Variants in BCL9L observed in about 807,000 individuals in gnomAD.
BCL9L encodes BCL9 like, also known as B-cell CLL/lymphoma 9-like protein.
In BCL9L, 19 loss-of-function variants were observed where a neutral mutation model predicts 99.4. The observed-to-expected ratio is 0.19, with a 90% CI of 0.13 to 0.28. BCL9L has a LOEUF of 0.28. BCL9L is among the 10% of genes least tolerant of loss of function. The pLI, the probability that BCL9L is intolerant of heterozygous loss-of-function variation, is 1.00. For synonymous variants in BCL9L, 900 were observed against 854.8 expected (o/e 1.05, Z -0.92); for missense variants, 2,023 against 2,101.6 (o/e 0.96, Z 0.73).
intron 2 of BCL9L, among the ~76,000 whole-genome samples, chr11:118,917,588 G>GA (rs1463876915): frequency 6.6e-6 from 1 of 152,108 alleles, no homozygotes; most frequent in African/African-American, 2.4e-5. Context: ...GAACGATGAC[G>GA]AAAGAAAGCA....
Position 118,898,013 on chromosome 11 carries a change from G to A in BCL9L, c.*402C>T, listed in dbSNP as rs540213324. On this transcript the variant is annotated 3_prime_UTR_variant, in exon 10 of 10. Coordinates refer to ENST00000683865, the MANE Select transcript of BCL9L (RefSeq NM_001378213.1). ...CCAGCAATGCGGACACGAGGAGACA[G>A]GAGCAGAAGGGGCTGGGGGAGACCT... 6.6e-5 allele frequency: 27 copies of A among 410,864 alleles called. No homozygotes were observed. In the Admixed American group the frequency reaches 6.8e-4, roughly 10 times the overall value. 25.5% of individuals were successfully genotyped at this position (410,864 alleles called of 1,614,324 possible).
intron 2 of BCL9L, chr11:118,911,282 G>T (rs962542685): frequency 6.6e-6 from 3 of 455,384 alleles, no homozygotes; most frequent in Admixed American, 4.7e-5. Flanking sequence ...TGACAGGCCC[G>T]GCCAGACACC....
Position 118,903,282 on chromosome 11 carries a change from G to T in BCL9L, c.703C>A (p.Pro235Thr). Residue 235 changes from proline (P) to threonine (T), a missense_variant, in exon 6 of 10, where the codon CCT (proline) becomes ACT (threonine). By Grantham distance (38) the Pro-to-Thr change is conservative (BLOSUM62 -1). Around this residue, in one of 3 missense-constraint regions of BCL9L, gnomAD observed 1,116 missense variants for 1,194.6 expected, o/e 0.93. Coordinates refer to ENST00000683865, the MANE Select transcript of BCL9L (RefSeq NM_001378213.1). The surrounding 1 kb of genome is among the most constrained non-coding windows in gnomAD (Gnocchi z 5.6). ...AAGACATATACGAACTGCGAGGGAG[G>T]CTTTCCGGGGACGCCCCCGCCCCCG... is the stretch of plus-strand genomic sequence containing the variant. ...GGGGGGVPGK[P>T]PSQFVYVFTT... is the part of the protein sequence containing the mutation. The T allele has an allele frequency of 6.3e-7, 1 of 1,582,820 alleles. No homozygotes were observed. Among genetic ancestry groups the T allele is most frequent in the South Asian group, 1.1e-5 (1 of 87,046 alleles).
intron 2 of BCL9L, among the ~76,000 whole-genome samples, chr11:118,912,452 G>A (rs996244289): frequency 2.6e-5 from 4 of 152,052 alleles, no homozygotes; most frequent in African/African-American, 9.7e-5. Context: ...CGGAAGAGGC[G>A]GCTTGACAAA....
rs981630800 is a variant in BCL9L, at chr11:118,897,117, T to G, written c.*1298A>C. On this transcript the variant is annotated 3_prime_UTR_variant, in exon 10 of 10. Transcript: ENST00000683865. ...CAGAGAGGAGGCGGCAGGATGCTGT[T>G]TCCCCGATTCCATCCTCAGGGAGTG... The G allele has an allele frequency of 2.0e-5, 3 of 153,636 alleles. No homozygotes were observed. Among genetic ancestry groups the G allele is most frequent in the African/African-American group, 7.2e-5 (3 of 41,458 alleles). The allele number at this position is 153,636 out of a possible 1,614,324, so 9.5% of individuals were successfully genotyped here.
chr11:118,904,583 G>A (rs1397447007), intron 5 of BCL9L, among the ~76,000 whole-genome samples: 1 of 152,200 alleles, frequency 6.6e-6, no homozygotes, highest in African/African-American at 2.4e-5. Flanking sequence ...GTAAGTCTTA[G>A]CGTAGAAAAA....
At chr11:118,908,248 T>C in intron 4 of BCL9L, 22 bp downstream of exon 4, 1 of 1,532,486 alleles carries the variant, frequency 6.5e-7, no homozygotes, top group Non-Finnish European at 8.8e-7. Flanking sequence ...GCTAGGGTCT[T>C]AGGGATGAGG....
intron 2 of BCL9L, among the ~76,000 whole-genome samples, chr11:118,916,647 G>C (rs1038932655): frequency 6.6e-6 from 1 of 152,240 alleles, no homozygotes; most frequent in Non-Finnish European, 1.5e-5. Flanking sequence ...CTGGGCTTCA[G>C]GATGCCCCCT....
chr11:118,911,116 T>C (rs1302181677), intron 2 of BCL9L: 3 of 409,732 alleles, frequency 7.3e-6, no homozygotes, highest in Non-Finnish European at 1.5e-5. Flanking sequence ...CACAGGGCCA[T>C]AGATACAGCA....
rs765269081 is a variant in BCL9L at position 118,901,794 on chromosome 11, C to T, written c.1949G>A (p.Ser650Asn). 1 of 1,611,066 alleles carries T rather than the reference C, an allele frequency of 6.2e-7. No individual in the cohort carries two copies. The highest frequency in any genetic ancestry group is 1.1e-5 in the South Asian group (1 of 90,970). The change falls in exon 8 of 10, where the codon AGC becomes AAC. Residue 650 changes from serine (S) to asparagine (N), a missense_variant. Coordinates refer to ENST00000683865, the MANE Select transcript of BCL9L (RefSeq NM_001378213.1). The surrounding 1 kb of genome is among the most constrained non-coding windows in gnomAD (Gnocchi z 6.6). The stretch of plus-strand genomic sequence containing the variant: ...GGGCATGGTGTTCTGGGCAAAATTG[C>T]TGGGTCCCCCCATAGGGGGCAAGTC... ...TEDLPPMGGPSNFAQNTMPYP... is the reference protein window; with the variant it reads ...TEDLPPMGGPNNFAQNTMPYP...
rs572994779 is a variant in BCL9L, at chr11:118,897,481, CAT to C, written c.*932_*933del. On this transcript the variant is annotated 3_prime_UTR_variant, in exon 10 of 10. Coordinates refer to ENST00000683865, the MANE Select transcript of BCL9L (RefSeq NM_001378213.1). ...GGGCAAACACACATGCACGTGCACA[CAT>C]GTTCTCCCTGAATCACTCAGCAGCA... 335 of 317,982 alleles carry C rather than the reference CAT, an allele frequency of 1.1e-3. No homozygotes were observed. Among genetic ancestry groups the C allele is most frequent in the African/African-American group, 6.3e-3 (285 of 45,038 alleles). 19.7% of individuals were successfully genotyped at this position (317,982 alleles called of 1,614,324 possible). A position where few individuals can be genotyped will look rare whatever the true frequency, so the allele number is the denominator to read the frequency against.
chr11:118,912,452 G>C (rs996244289), intron 2 of BCL9L, among the ~76,000 whole-genome samples: 1 of 152,052 alleles, frequency 6.6e-6, no homozygotes. Context: ...CGGAAGAGGC[G>C]GCTTGACAAA....
Position 118,901,897 on chromosome 11 carries a change from C to A in BCL9L, c.1846G>T (p.Gly616Cys). The change falls in exon 8 of 10, where the codon GGC (glycine) becomes TGC (cysteine). Residue 616 changes from glycine to cysteine, a missense_variant. Around this residue, in one of 3 missense-constraint regions of BCL9L, gnomAD observed 1,116 missense variants for 1,194.6 expected, o/e 0.93. Transcript: ENST00000683865. The surrounding 1 kb of genome is among the most constrained non-coding windows in gnomAD (Gnocchi z 6.6). ...ACCTCCATGGGCATACTCTGCATGCCCCCAAACCCAGGTACCCGTTGTATC... is the reference window on the plus strand; with the variant it reads ...ACCTCCATGGGCATACTCTGCATGCACCCAAACCCAGGTACCCGTTGTATC... The part of the protein sequence containing the change: ...NQIQRVPGFG[G>C]MQSMPMEVPM... The A allele has an allele frequency of 6.2e-7, 1 of 1,613,876 alleles. No homozygotes were observed. Among genetic ancestry groups the A allele is most frequent in the African/African-American group, 1.3e-5 (1 of 75,062 alleles).
In BCL9L at chr11:118,900,802, A is replaced by G. The variant is rs758517729; in HGVS notation, c.2941T>C (p.Ser981Pro). The G allele has an allele frequency of 1.2e-6, 2 of 1,613,728 alleles. No individual in the cohort carries two copies. Among genetic ancestry groups the G allele is most frequent in the South Asian group, 1.1e-5 (1 of 91,086 alleles). ...GTGGGTGAACGGACACTGAGGGAGGAGCCGAGGACCTGGGGCGACTTGAGA... is the reference window on the plus strand; with the variant it reads ...GTGGGTGAACGGACACTGAGGGAGGGGCCGAGGACCTGGGGCGACTTGAGA... Reference protein sequence around the residue: ...GPLKSPQVLGSSLSVRSPTGS... With the variant: ...GPLKSPQVLGPSLSVRSPTGS... The change falls in exon 8 of 10, where the codon TCC (serine) becomes CCC (proline). Residue 981 changes from serine to proline, a missense_variant. Coordinates refer to ENST00000683865, the MANE Select transcript of BCL9L (RefSeq NM_001378213.1). The surrounding 1 kb of genome is among the most constrained non-coding windows in gnomAD (Gnocchi z 5.3).
At position 118,900,133 on chromosome 11, in the gene BCL9L, G is replaced by A. The variant is rs1035294197; in HGVS notation, c.3190C>T (p.Leu1064Phe). ...GTGAATGGTAGGCTGGGGTTCATGA[G>A]GCCGCTGGGAGGGTTGGCGGGAGGT... ...SAPPANPPSG[L>F]MNPSLPFTSS... Residue 1064 changes from leucine (L) to phenylalanine (F), a missense_variant, in exon 9 of 10, where the codon CTC becomes TTC. Coordinates refer to ENST00000683865, the MANE Select transcript of BCL9L (RefSeq NM_001378213.1). The surrounding 1 kb of genome is among the most constrained non-coding windows in gnomAD (Gnocchi z 5.3). The A allele has an allele frequency of 2.5e-6, 4 of 1,613,290 alleles. No individual in the cohort carries two copies. Among genetic ancestry groups the A allele is most frequent in the Admixed American group, 1.7e-5 (1 of 59,990 alleles).
At position 118,903,548 on chromosome 11, in the gene BCL9L, C is replaced by T. The variant is rs1307635560; in HGVS notation, c.533-96G>A. 21 of 1,347,304 alleles carry T rather than the reference C, an allele frequency of 1.6e-5. No homozygotes were observed. The highest frequency in any genetic ancestry group is 3.9e-5 in the Admixed American group (2 of 50,972). 83.5% of individuals were successfully genotyped at this position (1,347,304 alleles called of 1,614,324 possible). A position where few individuals can be genotyped will look rare whatever the true frequency, so the allele number is the denominator to read the frequency against. On this transcript the variant is annotated intron_variant, in intron 5 of 9. Coordinates refer to ENST00000683865, the MANE Select transcript of BCL9L (RefSeq NM_001378213.1). The surrounding 1 kb of genome is among the most constrained non-coding windows in gnomAD (Gnocchi z 5.6). ...CACTGATGCTCACAGCCTTACAGCT[C>T]GTGCCCACAGGGACATTTGATGTCA...
rs1006824593 is a variant in BCL9L at position 118,903,673 on chromosome 11, T to C, written c.533-221A>G. 1.4e-4 allele frequency among the ~76,000 whole-genome samples: 22 copies of C among 152,304 alleles called. No individual in the cohort carries two copies. The highest frequency in any genetic ancestry group is 1.9e-4 in the East Asian group (1 of 5,192). On this transcript the variant is annotated intron_variant, in intron 5 of 9. Transcript: ENST00000683865. This position sits in a 1 kb window ranked among gnomAD's most constrained non-coding sequence, Gnocchi z 5.6. ...AATGTGTCCTCTCCACAGGCTCCCA[T>C]GGGCCTGGCATTCTGCTGGGGACTT...
chr11:118,901,854 T>G lies in BCL9L; in HGVS notation c.1889A>C (p.Gln630Pro), dbSNP rs1482859667. 6.2e-7 allele frequency: 1 copy of G among 1,610,620 alleles called. No individual in the cohort carries two copies. The highest frequency in any genetic ancestry group is 1.7e-5 in the Admixed American group (1 of 59,952). ...GCCCATGCCTGGTCTCACGGGCCTC[T>G]GCATGGCATTCATGGGCACCTCCAT... is the stretch of plus-strand genomic sequence containing the variant. Reference protein sequence around the residue: ...MPMEVPMNAMQRPVRPGMGWT... With the variant: ...MPMEVPMNAMPRPVRPGMGWT... The change falls in exon 8 of 10, where the codon CAG becomes CCG. Residue 630 changes from glutamine (Q) to proline (P), a missense_variant. By Grantham distance (76) the Gln-to-Pro change is moderately conservative. Transcript: ENST00000683865. The surrounding 1 kb of genome is among the most constrained non-coding windows in gnomAD (Gnocchi z 6.6).
rs1254464353 is a variant in BCL9L, at chr11:118,899,506, T to C, written c.3409A>G (p.Ile1137Val). 1.2e-6 allele frequency: 2 copies of C among 1,607,968 alleles called. No homozygotes were observed. The highest frequency in any genetic ancestry group is 1.3e-5 in the African/African-American group (1 of 74,812). The stretch of plus-strand genomic sequence containing the variant: ...ATCTGGCTGGGCTGGCTGTTGCTGA[T>C]CCCTGTAGGGAATAGAAGACAGGGG... ...PPPPQGSGPG[I>V]SNSQPSQMHL... The change falls in exon 10 of 10, where the codon ATC becomes GTC. Residue 1137 changes from isoleucine (I) to valine (V), a missense_variant and splice_region_variant. By Grantham distance (29) the Ile-to-Val change is conservative. This residue lies in a region of BCL9L where 902 missense variants were observed against 888.2 expected (regional missense o/e 1.02). Coordinates refer to ENST00000683865, the MANE Select transcript of BCL9L (RefSeq NM_001378213.1).
Sources: allele counts gnomAD v4.1 joint callset (sites outside exome capture counted in the v4.1 genomes callset), GRCh38; gene constraint gnomAD v4.1.1; regional missense constraint gnomAD v4.1.1; non-coding constraint Gnocchi (gnomAD v3.1); transcripts MANE v1.5; gene names NCBI Gene and HGNC (gene_info 2026-07-23, HGNC 2026-07-21).